Variants in GALNT1 observed in about 807,000 individuals in gnomAD.
GALNT1 encodes polypeptide N-acetylgalactosaminyltransferase 1.
GALNT1 carries 17 observed loss-of-function variants against 65.7 expected under a neutral mutation model. The observed-to-expected ratio is 0.26, with a 90% CI of 0.18 to 0.39. The LOEUF (loss-of-function observed/expected upper bound fraction) is 0.39. Ranked by LOEUF, GALNT1 falls within the 10% of genes least tolerant of loss-of-function variation. The pLI is 1.00. For missense variants in GALNT1, 460 were observed against 672.8 expected (o/e 0.68, Z 3.50); for synonymous variants, 210 against 219.7 (o/e 0.96, Z 0.39).
chr18:35,689,004 AAC>A (rs2047912731), intron 6 of GALNT1, among the ~76,000 whole-genome samples, 167 bp from the exon 7 acceptor site: 1 of 152,212 alleles, frequency 6.6e-6, no homozygotes, highest in Non-Finnish European at 1.5e-5. Context: ...AAGACCAAAT[AAC>A]ACAGCATAAA....
At chr18:35,679,675 G>C (rs1481789668) in intron 4 of GALNT1, among the ~76,000 whole-genome samples, 2 of 152,054 alleles carry the variant, frequency 1.3e-5, no homozygotes, top group African/African-American at 4.8e-5. Context: ...CAAATATCCG[G>C]GTTACCATTT....
intron 11 of GALNT1, among the ~76,000 whole-genome samples, chr18:35,704,669 A>C (rs2048225285): frequency 6.9e-6 from 1 of 144,752 alleles, no homozygotes; most frequent in Admixed American, 7.0e-5. Flanking sequence ...TTTGAGATGG[A>C]GTCTCGCTCT....
At chr18:35,675,463 GTTTC>G (rs2047698020) in intron 3 of GALNT1, among the ~76,000 whole-genome samples, 1 of 151,980 alleles carries the variant, frequency 6.6e-6, no homozygotes, top group East Asian at 1.9e-4. Flanking sequence ...CTTCCATCCA[GTTTC>G]TTTCTATTGT....
At chr18:35,581,893 C>T (rs2046324842) in intron 1 of GALNT1, 31 bp downstream of exon 1, 1 of 149,948 alleles carries the variant, frequency 6.7e-6, no homozygotes, top group Non-Finnish European at 1.5e-5. Context: ...TGGGCAGTCC[C>T]GGAGCCGCAG....
intron 3 of GALNT1, among the ~76,000 whole-genome samples, chr18:35,665,696 G>A (rs921564818): frequency 2.6e-5 from 4 of 152,106 alleles, no homozygotes; most frequent in African/African-American, 9.7e-5. Flanking sequence ...TAGAAACAAA[G>A]GAGCAAAATT....
chr18:35,678,016 C>T (rs185683002), intron 4 of GALNT1, among the ~76,000 whole-genome samples: 1 of 151,898 alleles, frequency 6.6e-6, no homozygotes, highest in Admixed American at 6.6e-5. Context: ...ATAACATAAA[C>T]TATTATGCAG....
chr18:35,663,538 C>A, intron 2 of GALNT1, 90 bp from the exon 3 acceptor site: 1 of 1,342,316 alleles, frequency 7.4e-7, no homozygotes, highest in Non-Finnish European at 1.0e-6. Context: ...TTGTTGAGGG[C>A]ACAGTTCAAA....
At chr18:35,679,299 C>G (rs1024000132) in intron 4 of GALNT1, among the ~76,000 whole-genome samples, 2 of 152,192 alleles carry the variant, frequency 1.3e-5, no homozygotes, top group African/African-American at 4.8e-5. Flanking sequence ...AGAAGAGATA[C>G]TTAACCTGAG....
intron 1 of GALNT1, among the ~76,000 whole-genome samples, chr18:35,607,945 G>A (rs2046672214): frequency 6.6e-6 from 1 of 152,086 alleles, no homozygotes; most frequent in African/African-American, 2.4e-5. Context: ...GGGATGTCTT[G>A]CAGTGTGCTT....
chr18:35,676,816 T>A (rs1217199125), intron 3 of GALNT1, among the ~76,000 whole-genome samples: 1 of 152,220 alleles, frequency 6.6e-6, no homozygotes, highest in Admixed American at 6.5e-5. Context: ...TCTAGTAATT[T>A]CATCTAGCTA....
chr18:35,601,699 T>C (rs1289996812), intron 1 of GALNT1, among the ~76,000 whole-genome samples: 1 of 152,224 alleles, frequency 6.6e-6, no homozygotes, highest in Admixed American at 6.5e-5. Context: ...GAGACTTGTT[T>C]TGTGGCCTGC....
At chr18:35,589,102 A>G (rs1209001023) in intron 1 of GALNT1, among the ~76,000 whole-genome samples, 1 of 152,094 alleles carries the variant, frequency 6.6e-6, no homozygotes, top group Non-Finnish European at 1.5e-5. Flanking sequence ...GGCACTGTCT[A>G]GTGATCACTA....
At chr18:35,643,121 G>A (rs2047186937) in intron 1 of GALNT1, among the ~76,000 whole-genome samples, 1 of 151,912 alleles carries the variant, frequency 6.6e-6, no homozygotes, top group African/African-American at 2.4e-5. Flanking sequence ...AGAGGTTAAG[G>A]GTCAGAATCA....
intron 2 of GALNT1, among the ~76,000 whole-genome samples, chr18:35,661,072 C>A (rs1454185248): frequency 6.6e-6 from 1 of 151,976 alleles, no homozygotes; most frequent in African/African-American, 2.4e-5. Context: ...CTTTAAGCTT[C>A]TGGTTATATA....
intron 2 of GALNT1, 134 bp from the exon 3 acceptor site, chr18:35,663,494 G>C (rs574021257): frequency 1.5e-4 from 126 of 850,876 alleles, no homozygotes; most frequent in African/African-American, 1.4e-3. Flanking sequence ...AGGGTTAACA[G>C]CCTAGGAGAG....
intron 3 of GALNT1, among the ~76,000 whole-genome samples, chr18:35,673,598 G>A (rs1198987813): frequency 2.0e-5 from 3 of 152,120 alleles, no homozygotes; most frequent in Non-Finnish European, 4.4e-5. Context: ...CCTGGGATAG[G>A]ATAAATAGAG....
chr18:35,606,821 T>TTGTGTGTGTG (rs10526510), intron 1 of GALNT1, among the ~76,000 whole-genome samples: 105 of 135,674 alleles, frequency 7.7e-4, no homozygotes, highest in African/African-American at 8.8e-4. Context: ...TGTTGATGTT[T>TTGTGTGTGTG]TGTGTGTGTG....
intron 1 of GALNT1, among the ~76,000 whole-genome samples, chr18:35,631,110 A>G (rs1457328181): frequency 6.6e-6 from 1 of 152,232 alleles, no homozygotes; most frequent in Non-Finnish European, 1.5e-5. Context: ...TCACAGCCAC[A>G]TTCTACCAGA....
At chr18:35,638,567 T>G (rs2047122999) in intron 1 of GALNT1, among the ~76,000 whole-genome samples, 2 of 152,194 alleles carry the variant, frequency 1.3e-5, no homozygotes. Context: ...TACATCTCCT[T>G]GTTATCTAAC....
Sources: gnomAD v4.1 joint callset for allele counts (sites outside exome capture counted in the v4.1 genomes callset) on GRCh38, gnomAD v4.1.1 for gene constraint, MANE v1.5 for transcripts, NCBI Gene and HGNC (gene_info 2026-07-23, HGNC 2026-07-21) for gene names.